PCDHA2: variants seen among roughly 807,000 people sequenced by gnomAD.
The protein encoded by PCDHA2 is protocadherin alpha 2.
Under a neutral mutation model 66.0 loss-of-function variants are expected in PCDHA2, and 58 were observed. That is an observed-to-expected ratio of 0.88 (90% CI 0.71 to 1.09). PCDHA2 has a LOEUF of 1.09. Ranked by LOEUF, PCDHA2 falls within the 50% of genes least tolerant of loss-of-function variation. The probability of loss-of-function intolerance (pLI) is 0.00; values close to 1 mark genes in which losing one functional copy is unlikely to be tolerated. For synonymous variants in PCDHA2, 634 were observed against 554.0 expected (o/e 1.14, Z -2.03); for missense variants, 1,267 against 1,242.3 (o/e 1.02, Z -0.30).
In PCDHA2 at chr5:140,884,542, G is replaced by T. The variant is rs1554181706; in HGVS notation, c.2388+87190G>T. 1.9e-6 allele frequency: 3 copies of T among 1,614,126 alleles called. No individual in the cohort carries two copies. In the Admixed American group the frequency reaches 5.0e-5, roughly 27 times the overall value. ...ACTCGCAGCAGAGGCGGCCGAGGGT[G>T]TGCTCTGGGGAGGGCCCGCATAAGA... On this transcript the variant is annotated intron_variant, in intron 1 of 3. Transcript: ENST00000526136.
intron 1 of PCDHA2, among the ~76,000 whole-genome samples, chr5:140,957,571 G>C (rs2095367794): frequency 6.6e-6 from 1 of 152,186 alleles, no homozygotes; most frequent in South Asian, 2.1e-4. Context: ...AGGGACTACT[G>C]TACTTTTAAC....
At chr5:140,921,367 T>C (rs1165325497) in intron 1 of PCDHA2, among the ~76,000 whole-genome samples, 1 of 152,182 alleles carries the variant, frequency 6.6e-6, no homozygotes, top group African/African-American at 2.4e-5. Context: ...TCAAGTTTCA[T>C]ATTTCTACAT....
In PCDHA2 at chr5:140,795,230, G is replaced by C. The variant is rs145951382; in HGVS notation, c.266G>C (p.Arg89Pro). 6.2e-6 allele frequency: 10 copies of C among 1,614,116 alleles called. No individual in the cohort carries two copies. Among genetic ancestry groups the C allele is most frequent in the Middle Eastern group, 1.6e-4 (1 of 6,082 alleles). Residue 89 changes from arginine to proline, a missense_variant, in exon 1 of 4, where the codon CGG becomes CCG. Coordinates refer to ENST00000526136, the MANE Select transcript of PCDHA2 (RefSeq NM_018905.3). ...AATGGCATTTTGTTTGTGAATTCTC[G>C]GATCGACCGGGAGGAGCTGTGCGGG... ...LQNGILFVNS[R>P]IDREELCGRS... is the part of the protein sequence containing the mutation.
intron 1 of PCDHA2, chr5:140,807,290 G>A: frequency 6.2e-7 from 1 of 1,614,210 alleles, no homozygotes; most frequent in Non-Finnish European, 8.5e-7. Flanking sequence ...CCACTACTCG[G>A]TCTCCGAGGA....
chr5:140,941,248 T>TTTCTTTCC (rs1563187616), intron 1 of PCDHA2, among the ~76,000 whole-genome samples: 1 of 141,492 alleles, frequency 7.1e-6, no homozygotes, highest in African/African-American at 2.6e-5. Context: ...TCTTTCTTTC[T>TTTCTTTCC]TTCTTTCTCT....
intron 1 of PCDHA2, among the ~76,000 whole-genome samples, chr5:140,906,888 A>C (rs1438258969): frequency 6.6e-6 from 1 of 152,102 alleles, no homozygotes; most frequent in Admixed American, 6.5e-5. Flanking sequence ...CTTCCTTCTT[A>C]GATTGTTGGT....
intron 1 of PCDHA2, among the ~76,000 whole-genome samples, chr5:140,917,338 G>GGTGGGGGGGGGGGGGGGGGGC (rs2078134893): frequency 7.3e-6 from 1 of 137,894 alleles, no homozygotes; most frequent in Non-Finnish European, 1.6e-5. Flanking sequence ...GGAGGGGGGG[G>GGTGGGGGGGGGGGGGGGGGGC]ATGGTGTAGG....
chr5:140,814,439 G>C (rs1327289390), intron 1 of PCDHA2: 1 of 149,084 alleles, frequency 6.7e-6, no homozygotes, highest in African/African-American at 2.5e-5. Context: ...GTTTTGTGGT[G>C]ACCTTTTTTC....
intron 1 of PCDHA2, among the ~76,000 whole-genome samples, chr5:140,972,741 G>T (rs1453484254): frequency 6.9e-6 from 1 of 145,350 alleles, no homozygotes; most frequent in Non-Finnish European, 1.5e-5. Context: ...CCGGCTCACT[G>T]CAACCTCCGC....
intron 1 of PCDHA2, among the ~76,000 whole-genome samples, chr5:140,878,731 A>T (rs1037542413): frequency 1.3e-5 from 2 of 152,252 alleles, no homozygotes; most frequent in Admixed American, 6.5e-5. Context: ...TTCCAGCCTT[A>T]TATCTACTTT....
chr5:140,808,144 T>C (rs781813309), intron 1 of PCDHA2: 2 of 1,614,138 alleles, frequency 1.2e-6, no homozygotes, highest in Non-Finnish European at 1.7e-6. Flanking sequence ...ATGAAATTAT[T>C]GTAGAGGGCA....
At chr5:140,987,880 T>A (rs2097271532) in intron 3 of PCDHA2, among the ~76,000 whole-genome samples, 1 of 152,112 alleles carries the variant, frequency 6.6e-6, no homozygotes, top group Non-Finnish European at 1.5e-5. Context: ...AAATGGACAG[T>A]TTATGTGCCC....
chr5:140,836,030 G>C, intron 1 of PCDHA2: 1 of 1,613,484 alleles, frequency 6.2e-7, no homozygotes, highest in Non-Finnish European at 8.5e-7. Flanking sequence ...GCAGCAACGT[G>C]ACGCTGCAGG....
chr5:140,834,604 T>G (rs2150222794), intron 1 of PCDHA2: 1 of 1,614,158 alleles, frequency 6.2e-7, no homozygotes, highest in South Asian at 1.1e-5. Context: ...CGTGGGGATC[T>G]TCTGGAGGTA....
Position 140,843,020 on chromosome 5 carries a change from G to A in PCDHA2, c.2388+45668G>A, listed in dbSNP as rs142550829. ...GAATGACAACGCGCCGGCACTGCTG[G>A]AGCCTCGGGTGGGTGGCACTGGTGG... On this transcript the variant is annotated intron_variant, in intron 1 of 3. Transcript: ENST00000526136. 14 of 1,595,174 alleles carry A rather than the reference G, an allele frequency of 8.8e-6. 2 individuals carry two copies. In the African/African-American group the frequency reaches 1.7e-4, roughly 20 times the overall value.
chr5:140,801,802 G>T lies in PCDHA2; in HGVS notation c.2388+4450G>T, dbSNP rs782120718. On this transcript the variant is annotated intron_variant, in intron 1 of 3. Coordinates refer to ENST00000526136, the MANE Select transcript of PCDHA2 (RefSeq NM_018905.3). Reference sequence around the variant, plus strand: ...CTCGTGTTGAAAAAAAATTTAAATCGAGAGGACACTCCTAAGCATTATTTA... The same window carrying T: ...CTCGTGTTGAAAAAAAATTTAAATCTAGAGGACACTCCTAAGCATTATTTA... 6.2e-7 allele frequency: 1 copy of T among 1,613,962 alleles called. No individual in the cohort carries two copies. The highest frequency in any genetic ancestry group is 8.5e-7 in the Non-Finnish European group (1 of 1,180,018).
chr5:140,889,547 T>C (rs2062267601), intron 1 of PCDHA2, among the ~76,000 whole-genome samples: 1 of 152,192 alleles, frequency 6.6e-6, no homozygotes, highest in Non-Finnish European at 1.5e-5. Context: ...TCTAATTTAC[T>C]TTTCTTCAGA....
intron 1 of PCDHA2, among the ~76,000 whole-genome samples, chr5:140,838,140 G>A (rs1775567659): frequency 6.9e-6 from 1 of 145,908 alleles, no homozygotes; most frequent in Admixed American, 6.9e-5. Context: ...GTTTGACAGA[G>A]TTTTACTCTG....
In PCDHA2 at chr5:140,967,951, C is replaced by G. The variant is rs150201840; in HGVS notation, c.2389-10998C>G. On this transcript the variant is annotated intron_variant, in intron 1 of 3. Transcript: ENST00000526136. ...TCAGTGTCAATGACCAAGACTCAGG[C>G]CCCAACCGGAAAGTGAGCCTGGGTC... 6 of 1,614,078 alleles carry G rather than the reference C, an allele frequency of 3.7e-6. No homozygotes were observed. The African/African-American group carries it at 6.7e-5, about 18-fold the overall frequency.
Sources: allele counts gnomAD v4.1 joint callset (sites outside exome capture counted in the v4.1 genomes callset), GRCh38; gene constraint gnomAD v4.1.1; transcripts MANE v1.5; gene names NCBI Gene and HGNC (gene_info 2026-07-23, HGNC 2026-07-21).